Variants in HLCS observed in about 807,000 individuals in gnomAD.
The protein encoded by HLCS is holocarboxylase synthetase.
Under a neutral mutation model 75.0 loss-of-function variants are expected in HLCS, and 53 were observed. The ratio of observed to expected loss-of-function variants is 0.71; its 90% CI spans 0.57 to 0.89. The LOEUF (loss-of-function observed/expected upper bound fraction) is 0.89, where lower values mean the gene tolerates loss of function less well. Among genes scored for constraint, HLCS ranks in the 40% least tolerant of loss-of-function variants. The pLI is 0.00. For synonymous variants in HLCS, 431 were observed against 428.6 expected (o/e 1.01, Z -0.07); for missense variants, 966 against 1,074.0 (o/e 0.90, Z 1.41).
chr21:36,795,896 G>A (rs1372474085), intron 6 of HLCS, among the ~76,000 whole-genome samples: 3 of 152,198 alleles, frequency 2.0e-5, no homozygotes, highest in Non-Finnish European at 4.4e-5. Flanking sequence ...GTTAATTTAG[G>A]TCATTCAGTG....
rs2062360713 is a variant in HLCS, at chr21:36,835,015, CAGA to C, written c.1892+61842_1892+61844del. 1.3e-5 allele frequency among the ~76,000 whole-genome samples: 2 copies of C among 152,184 alleles called. 1 individual carries two copies. Among genetic ancestry groups the C allele is most frequent in the Admixed American group, 1.3e-4 (2 of 15,284 alleles). ...CACCTGTTAGAAGCCTTCTCGAGAA[CAGA>C]AGATTCTCGAGATTCCCAGGTGAGG... On this transcript the variant is annotated intron_variant, in intron 6 of 10. Transcript: ENST00000674895.
At chr21:36,830,504 T>C (rs190360025) in intron 6 of HLCS, among the ~76,000 whole-genome samples, 2 of 152,104 alleles carry the variant, frequency 1.3e-5, no homozygotes, top group Admixed American at 6.5e-5. Context: ...GTGTAGCACA[T>C]AGGGCTTGTC....
At chr21:36,787,160 T>A (rs1017984805) in intron 6 of HLCS, among the ~76,000 whole-genome samples, 12 of 152,220 alleles carry the variant, frequency 7.9e-5, no homozygotes, top group Non-Finnish European at 1.6e-4. Context: ...AGGCCACGCG[T>A]GAGCATGGGG....
chr21:36,976,269 A>G (rs1482676126), intron 1 of HLCS, among the ~76,000 whole-genome samples: 1 of 152,164 alleles, frequency 6.6e-6, no homozygotes, highest in Non-Finnish European at 1.5e-5. Flanking sequence ...TGTCATCAAA[A>G]TCACCTGGGA....
At chr21:36,889,983 G>A (rs898957125) in intron 6 of HLCS, among the ~76,000 whole-genome samples, 10 of 152,122 alleles carry the variant, frequency 6.6e-5, no homozygotes, top group African/African-American at 1.4e-4. Flanking sequence ...GGAGGTAATC[G>A]GATCATGGGG....
At chr21:36,756,882 G>A (rs992762581) in intron 9 of HLCS, 127 bp from the exon 10 acceptor site, 64 of 1,554,462 alleles carry the variant, frequency 4.1e-5, no homozygotes, top group Middle Eastern at 2.3e-4. Flanking sequence ...TTCAGATTTC[G>A]TGTCTCTAAC....
chr21:36,919,576 T>C (rs556911602), intron 5 of HLCS, among the ~76,000 whole-genome samples: 2 of 152,284 alleles, frequency 1.3e-5, no homozygotes, highest in South Asian at 4.1e-4. Context: ...CAAGAGGACA[T>C]ACGTGAGATG....
intron 6 of HLCS, among the ~76,000 whole-genome samples, chr21:36,882,718 C>T (rs570117311): frequency 2.5e-4 from 38 of 151,656 alleles, no homozygotes; most frequent in South Asian, 6.3e-4. Flanking sequence ...ACCTCGGCCT[C>T]CCAAAGTGTT....
chr21:36,921,426 G>C (rs1442980148), intron 5 of HLCS, among the ~76,000 whole-genome samples: 1 of 145,470 alleles, frequency 6.9e-6, no homozygotes, highest in Non-Finnish European at 1.5e-5. Flanking sequence ...GCCTGGGTAA[G>C]AGTGAGACTC....
intron 6 of HLCS, among the ~76,000 whole-genome samples, chr21:36,865,060 C>T (rs752000766): frequency 1.7e-4 from 26 of 148,740 alleles, no homozygotes; most frequent in Non-Finnish European, 3.1e-4. Flanking sequence ...AGACAGGCTC[C>T]ATCCATAGCA....
At chr21:36,891,604 A>G (rs991407641) in intron 6 of HLCS, among the ~76,000 whole-genome samples, 1 of 152,102 alleles carries the variant, frequency 6.6e-6, no homozygotes, top group Non-Finnish European at 1.5e-5. Context: ...GACCTTCTAT[A>G]TGTTGGGAGG....
At chr21:36,934,160 C>T (rs984506280) in intron 4 of HLCS, among the ~76,000 whole-genome samples, 2 of 152,136 alleles carry the variant, frequency 1.3e-5, no homozygotes, top group African/African-American at 4.8e-5. Context: ...GAGTGTAACC[C>T]TGTTACCATA....
At chr21:36,906,198 C>A (rs976918340) in intron 5 of HLCS, among the ~76,000 whole-genome samples, 2 of 151,902 alleles carry the variant, frequency 1.3e-5, no homozygotes, top group African/African-American at 4.8e-5. Flanking sequence ...ATGTGCCAGA[C>A]CTGTTTACTG....
chr21:36,982,650 C>T (rs563679292), intron 1 of HLCS, among the ~76,000 whole-genome samples: 32 of 152,334 alleles, frequency 2.1e-4, no homozygotes, highest in African/African-American at 7.5e-4. Context: ...AATTACAGAT[C>T]CCCTATTGTC....
chr21:36,894,655 C>T (rs2064936697), intron 6 of HLCS, among the ~76,000 whole-genome samples: 1 of 152,160 alleles, frequency 6.6e-6, no homozygotes, highest in Non-Finnish European at 1.5e-5. Flanking sequence ...GCAAGGGATT[C>T]ATAATTAATA....
intron 1 of HLCS, among the ~76,000 whole-genome samples, chr21:36,973,280 T>G (rs946838859): frequency 2.0e-5 from 3 of 149,122 alleles, no homozygotes; most frequent in Admixed American, 1.4e-4. Context: ...AATAGGTATT[T>G]GTAACACACA....
Position 36,927,921 on chromosome 21 carries a change from G to C in HLCS, c.1620+2330C>G, listed in dbSNP as rs2066477550. ...GGCAGGCGATGAGCCAAATGGACAGGCAGGATTTAGCAGATGACTGGGTGC... is the reference window on the plus strand; with the variant it reads ...GGCAGGCGATGAGCCAAATGGACAGCCAGGATTTAGCAGATGACTGGGTGC... On this transcript the variant is annotated intron_variant, in intron 5 of 10. Transcript: ENST00000674895. Among the ~76,000 whole-genome samples the C allele has an allele frequency of 2.6e-5, 4 of 152,174 alleles. No individual in the cohort carries two copies. The South Asian group carries it at 8.3e-4, about 32-fold the overall frequency.
intron 4 of HLCS, among the ~76,000 whole-genome samples, chr21:36,931,476 A>G (rs1480751916): frequency 6.6e-6 from 1 of 151,962 alleles, no homozygotes; most frequent in Non-Finnish European, 1.5e-5. Context: ...GAGGCTGGGT[A>G]TAAAGGCTCA....
intron 5 of HLCS, among the ~76,000 whole-genome samples, chr21:36,922,467 G>C (rs2066213503): frequency 6.6e-6 from 1 of 152,206 alleles, no homozygotes; most frequent in Non-Finnish European, 1.5e-5. Flanking sequence ...TAGCTGTGTG[G>C]CCAAACTCGG....
Sources: allele counts gnomAD v4.1 joint callset (sites outside exome capture counted in the v4.1 genomes callset), GRCh38; gene constraint gnomAD v4.1.1; transcripts MANE v1.5; gene names NCBI Gene and HGNC (gene_info 2026-07-23, HGNC 2026-07-21).